NBAS: variants seen among roughly 807,000 people sequenced by gnomAD.
The protein encoded by NBAS is NBAS subunit of NRZ tethering complex.
Under a neutral mutation model 302.5 loss-of-function variants are expected in NBAS, and 219 were observed. The ratio of observed to expected loss-of-function variants is 0.72; its 90% CI spans 0.65 to 0.81. The LOEUF (loss-of-function observed/expected upper bound fraction) is 0.81. NBAS is among the 30% of genes least tolerant of loss of function. The pLI is 0.00. For synonymous variants in NBAS, 1,118 were observed against 1,021.6 expected (o/e 1.09, Z -1.80); for missense variants, 2,932 against 2,841.6 (o/e 1.03, Z -0.72).
chr2:14,798,639 C>T, the NBAS span, among the ~76,000 whole-genome samples: 309 of 152,102 alleles, frequency 2.0e-3, 1 homozygote, highest in South Asian at 0.012. Flanking sequence ...GGAACAGTTG[C>T]GTAGAATTGA....
intron 23 of NBAS, among the ~76,000 whole-genome samples, chr2:15,420,257 C>A (rs1164037569): frequency 6.6e-6 from 1 of 152,088 alleles, no homozygotes; most frequent in Non-Finnish European, 1.5e-5. Context: ...AAGAAAGAAG[C>A]AGTGAATAAT....
At chr2:15,384,966 A>G (rs919765579) in intron 28 of NBAS, among the ~76,000 whole-genome samples, 16 of 148,310 alleles carry the variant, frequency 1.1e-4, no homozygotes, top group Admixed American at 2.8e-4. Flanking sequence ...GAGAAAGTAT[A>G]TATTTGGGAT....
At chr2:15,400,942 G>C (rs1328428644) in intron 26 of NBAS, among the ~76,000 whole-genome samples, 3 of 152,086 alleles carry the variant, frequency 2.0e-5, no homozygotes, top group East Asian at 1.9e-4. Flanking sequence ...CTGCAAATTA[G>C]AAGTTCAACC....
the NBAS span, among the ~76,000 whole-genome samples, chr2:14,922,671 A>C: frequency 2.0e-5 from 3 of 152,310 alleles, no homozygotes; most frequent in Admixed American, 2.0e-4. Flanking sequence ...CACCAAATAC[A>C]GTTACATTGG....
intron 9 of NBAS, among the ~76,000 whole-genome samples, chr2:15,514,270 ATAC>A (rs1662282469): frequency 1.3e-5 from 2 of 152,210 alleles, no homozygotes; most frequent in East Asian, 3.8e-4. Context: ...AGGAGTCAGT[ATAC>A]TATTCTACTT....
intron 21 of NBAS, among the ~76,000 whole-genome samples, chr2:15,435,932 T>A (rs557068939): frequency 3.7e-4 from 56 of 152,352 alleles, no homozygotes; most frequent in Non-Finnish European, 4.0e-4. Context: ...CTTATATGCA[T>A]AATAATAACA....
chr2:15,274,974 G>A (rs1168763826), intron 44 of NBAS, among the ~76,000 whole-genome samples: 2 of 151,428 alleles, frequency 1.3e-5, no homozygotes, highest in Admixed American at 6.6e-5. Flanking sequence ...GTAGAGATGG[G>A]ATTTCACCAT....
chr2:14,890,065 G>A, the NBAS span, among the ~76,000 whole-genome samples: 141 of 152,276 alleles, frequency 9.3e-4, 1 homozygote, highest in East Asian at 0.026. Context: ...ACATACTAGT[G>A]TGCAAATTCC....
At chr2:15,041,221 G>A in the NBAS span, among the ~76,000 whole-genome samples, 1 of 152,238 alleles carries the variant, frequency 6.6e-6, no homozygotes, top group Non-Finnish European at 1.5e-5. Context: ...GAGGCAGGGA[G>A]AGCTGAGTCC....
the NBAS span, among the ~76,000 whole-genome samples, chr2:14,960,259 C>T: frequency 6.6e-6 from 1 of 152,192 alleles, no homozygotes; most frequent in African/African-American, 2.4e-5. Flanking sequence ...TTCATCCATA[C>T]TCCTCACTGC....
chr2:14,887,731 C>G, the NBAS span, among the ~76,000 whole-genome samples: 2 of 152,194 alleles, frequency 1.3e-5, no homozygotes, highest in African/African-American at 4.8e-5. Flanking sequence ...GCACAGCCCC[C>G]GGTTCCTCAT....
chr2:15,093,610 T>C, the NBAS span, among the ~76,000 whole-genome samples: 2 of 152,210 alleles, frequency 1.3e-5, no homozygotes, highest in Non-Finnish European at 2.9e-5. Context: ...TCGCCAGCAA[T>C]GTGGACAAAG....
the NBAS span, among the ~76,000 whole-genome samples, chr2:15,107,963 T>C: frequency 6.6e-6 from 1 of 152,100 alleles, no homozygotes; most frequent in African/African-American, 2.4e-5. Context: ...GTCTGGCTTC[T>C]TTCCCTCAGC....
chr2:14,794,889 T>G, the NBAS span, among the ~76,000 whole-genome samples: 1 of 152,246 alleles, frequency 6.6e-6, no homozygotes, highest in East Asian at 1.9e-4. Flanking sequence ...TTTCTTTCAC[T>G]CTGCATAATT....
the NBAS span, among the ~76,000 whole-genome samples, chr2:15,161,237 G>T: frequency 3.3e-5 from 5 of 152,122 alleles, no homozygotes; most frequent in Admixed American, 6.5e-5. Flanking sequence ...TTGCTGGAGT[G>T]GTTCGTGGCT....
chr2:15,439,316 A>G (rs918074603), intron 21 of NBAS, among the ~76,000 whole-genome samples: 4 of 151,748 alleles, frequency 2.6e-5, no homozygotes, highest in Non-Finnish European at 5.9e-5. Context: ...AAAAAAAAAA[A>G]AAAAAAAAAG....
chr2:15,340,604 G>A (rs1348017815), intron 35 of NBAS, among the ~76,000 whole-genome samples: 1 of 152,108 alleles, frequency 6.6e-6, no homozygotes, highest in Non-Finnish European at 1.5e-5. Flanking sequence ...ATTAAGCAGG[G>A]AATCATCAGC....
chr2:15,403,071 A>C (rs1676232255), intron 25 of NBAS, among the ~76,000 whole-genome samples: 1 of 152,230 alleles, frequency 6.6e-6, no homozygotes, highest in African/African-American at 2.4e-5. Flanking sequence ...TATTATTAGC[A>C]CCACAGCAAC....
chr2:15,557,924 T>A (rs1460172683), intron 2 of NBAS, among the ~76,000 whole-genome samples: 3 of 152,216 alleles, frequency 2.0e-5, no homozygotes, highest in African/African-American at 7.2e-5. Context: ...TACCCTGGCT[T>A]ATCAAATCTG....
Sources: allele counts gnomAD v4.1 joint callset (sites outside exome capture counted in the v4.1 genomes callset), GRCh38; gene constraint gnomAD v4.1.1; transcripts MANE v1.5; gene names NCBI Gene and HGNC (gene_info 2026-07-23, HGNC 2026-07-21).